Variants in MACF1 observed in about 807,000 individuals in gnomAD.
MACF1 encodes microtubule-actin cross-linking factor 1.
MACF1 carries 193 observed loss-of-function variants against 854.8 expected under a neutral mutation model. The ratio of observed to expected loss-of-function variants is 0.23; its 90% CI spans 0.20 to 0.25. MACF1 has a LOEUF of 0.25. MACF1 is among the 10% of genes least tolerant of loss of function. The pLI is 1.00. For synonymous variants in MACF1, 3,185 were observed against 3,226.7 expected (o/e 0.99, Z 0.44); for missense variants, 7,722 against 8,929.1 (o/e 0.86, Z 5.45).
chr1:39,355,491 G>A (rs1231418056), intron 44 of MACF1, among the ~76,000 whole-genome samples: 7 of 113,804 alleles, frequency 6.2e-5, no homozygotes, highest in East Asian at 2.3e-4. Context: ...TTTTTGAGAC[G>A]GAGTCTCACT....
chr1:39,418,201 G>A (rs1643400332), intron 58 of MACF1, among the ~76,000 whole-genome samples: 1 of 152,146 alleles, frequency 6.6e-6, no homozygotes, highest in Non-Finnish European at 1.5e-5. Context: ...TTTGTACAGT[G>A]GAGTGGATAG....
At chr1:39,225,006 G>GAC (rs142843529) in intron 1 of MACF1, among the ~76,000 whole-genome samples, 139 of 152,130 alleles carry the variant, frequency 9.1e-4, no homozygotes, top group Middle Eastern at 3.4e-3. Context: ...ACAACATACT[G>GAC]ACACCCTGTC....
Position 39,353,261 on chromosome 1 carries a change from T to G in MACF1, c.11424+30T>G, listed in dbSNP as rs375395246. On this transcript the variant is annotated intron_variant, in intron 44 of 100. Transcript: ENST00000564288. The stretch of plus-strand genomic sequence containing the variant: ...GGGTGTTAGCTTATCCTCACTATGC[T>G]AGAGAAATCTCTCCTGCCCTGAGCA... 3 of 1,533,064 alleles carry G rather than the reference T, an allele frequency of 2.0e-6. No individual in the cohort carries two copies. The African/African-American group carries it at 4.1e-5, about 21-fold the overall frequency. 95.0% of individuals were successfully genotyped at this position (1,533,064 alleles called of 1,614,324 possible).
intron 95 of MACF1, among the ~76,000 whole-genome samples, chr1:39,465,602 G>A (rs879577703): frequency 6.6e-6 from 1 of 151,924 alleles, no homozygotes; most frequent in Admixed American, 6.6e-5. Flanking sequence ...AATTGGCCGT[G>A]GCCTGAAGTA....
At chr1:39,450,660 G>A (rs1234320612) in intron 84 of MACF1, among the ~76,000 whole-genome samples, 2 of 133,528 alleles carry the variant, frequency 1.5e-5, no homozygotes, top group African/African-American at 5.6e-5. Flanking sequence ...CTCCCAGGCT[G>A]GAGTGCAGTG....
rs548493780 is a variant in MACF1, at chr1:39,443,429, T to C, written c.19303-17T>C. 198 of 1,599,270 alleles carry C rather than the reference T, an allele frequency of 1.2e-4. 1 individual carries two copies. In the South Asian group the frequency reaches 1.3e-3, roughly 11 times the overall value. On this transcript the variant is annotated splice_polypyrimidine_tract_variant and intron_variant, in intron 78 of 100. Coordinates refer to ENST00000564288, the MANE Select transcript of MACF1 (RefSeq NM_001394062.1). ...GAAATGACTACTGACATGGTTGATATATCTTTTTCTCAAAAGGCCCAGGGC... is the reference window on the plus strand; with the variant it reads ...GAAATGACTACTGACATGGTTGATACATCTTTTTCTCAAAAGGCCCAGGGC...
chr1:39,247,330 C>T (rs1644993657), intron 2 of MACF1, among the ~76,000 whole-genome samples: 2 of 152,086 alleles, frequency 1.3e-5, no homozygotes, highest in South Asian at 4.1e-4. Flanking sequence ...CTCGGCCTCC[C>T]AAAGTGCTGG....
intron 2 of MACF1, among the ~76,000 whole-genome samples, chr1:39,094,273 C>T (rs972975821): frequency 4.0e-5 from 6 of 151,876 alleles, no homozygotes; most frequent in Non-Finnish European, 5.9e-5. Context: ...AGTGAGACCC[C>T]GTCTCCACAA....
intron 71 of MACF1, 104 bp downstream of exon 71, chr1:39,438,112 G>A (rs1012690998): frequency 1.9e-6 from 2 of 1,028,660 alleles, no homozygotes; most frequent in South Asian, 3.2e-5. Context: ...GAATGTAAAG[G>A]CAGTCCCCAG....
Position 39,382,047 on chromosome 1 carries a change from A to G in MACF1, c.13743A>G (p.Glu4581=), listed in dbSNP as rs778303641. The part of the protein sequence containing the change: ...ASHLACFQAA[E]SQLRPWLMEK... ...ATCTGGCCTGCTTCCAGGCTGCAGA[A>G]TCCCAGCTCCGGCCGTGGCTGATGG... Residue 4581 remains glutamate (E), a synonymous_variant, in exon 56 of 101, where the codon GAA becomes GAG. Transcript: ENST00000564288. The G allele has an allele frequency of 1.9e-6, 3 of 1,614,036 alleles. No individual in the cohort carries two copies. Among genetic ancestry groups the G allele is most frequent in the Non-Finnish European group, 2.5e-6 (3 of 1,180,026 alleles).
chr1:39,267,888 A>G (rs548986705), intron 6 of MACF1, among the ~76,000 whole-genome samples: 1 of 152,370 alleles, frequency 6.6e-6, no homozygotes, highest in Non-Finnish European at 1.5e-5. Context: ...AAGGAGGGAA[A>G]TAAATGCTCC....
At chr1:39,235,612 A>G (rs946401682) in intron 2 of MACF1, among the ~76,000 whole-genome samples, 1 of 152,118 alleles carries the variant, frequency 6.6e-6, no homozygotes, top group Non-Finnish European at 1.5e-5. Context: ...CTCCATCTCC[A>G]TATCGCTGCT....
intron 58 of MACF1, among the ~76,000 whole-genome samples, chr1:39,401,093 T>C (rs140081977): frequency 2.0e-5 from 3 of 152,326 alleles, no homozygotes; most frequent in African/African-American, 7.2e-5. Flanking sequence ...AAAATATATT[T>C]TATGTACACA....
intron 45 of MACF1, among the ~76,000 whole-genome samples, chr1:39,358,357 T>C (rs1364491215): frequency 6.6e-6 from 1 of 152,234 alleles, no homozygotes; most frequent in Non-Finnish European, 1.5e-5. Context: ...ACCTGTCTTA[T>C]GCCTTCTGCC....
intron 2 of MACF1, among the ~76,000 whole-genome samples, chr1:39,192,438 C>T (rs916297326): frequency 2.0e-5 from 3 of 152,156 alleles, no homozygotes; most frequent in African/African-American, 7.2e-5. Flanking sequence ...TAAATACTGA[C>T]GATCCTGTTG....
intron 89 of MACF1, among the ~76,000 whole-genome samples, chr1:39,455,401 C>T (rs1014321357): frequency 3.9e-5 from 6 of 152,162 alleles, no homozygotes; most frequent in African/African-American, 7.2e-5. Flanking sequence ...GAATCCAGAT[C>T]CTGGTGGATG....
chr1:39,463,285 A>G (rs868448596), intron 93 of MACF1, among the ~76,000 whole-genome samples: 1 of 152,120 alleles, frequency 6.6e-6, no homozygotes, highest in Admixed American at 6.5e-5. Flanking sequence ...TCGGGAGTTC[A>G]AGGCCAGCCT....
At chr1:39,473,612 T>C (rs547305545) in intron 97 of MACF1, among the ~76,000 whole-genome samples, 38 of 152,310 alleles carry the variant, frequency 2.5e-4, no homozygotes, top group Admixed American at 5.2e-4. Context: ...GTGCTTCTGT[T>C]CTTCATCCCC....
At chr1:39,090,172 C>G (rs1193377759) in intron 2 of MACF1, among the ~76,000 whole-genome samples, 1 of 152,212 alleles carries the variant, frequency 6.6e-6, no homozygotes, top group Non-Finnish European at 1.5e-5. Context: ...ATTGGGAATC[C>G]TTACTCCTCA....
Sources: allele counts gnomAD v4.1 joint callset (sites outside exome capture counted in the v4.1 genomes callset), GRCh38; gene constraint gnomAD v4.1.1; transcripts MANE v1.5; gene names NCBI Gene and HGNC (gene_info 2026-07-23, HGNC 2026-07-21).